Variants in ZNF592 observed in about 807,000 individuals in gnomAD.
ZNF592 encodes the protein zinc finger protein 592, also known as spinocerebellar ataxia, autosomal recessive 5.
A neutral mutation model predicts 80.3 loss-of-function variants in ZNF592; 11 were observed. That is an observed-to-expected ratio of 0.14 (90% CI 0.09 to 0.23). ZNF592 has a LOEUF of 0.23. ZNF592 is among the 10% of genes least tolerant of loss of function. ZNF592 has a pLI of 1.00. For missense variants in ZNF592, 1,420 were observed against 1,633.9 expected, an observed-to-expected ratio of 0.87 and a Z score of 2.26; for synonymous variants, 646 against 640.3, an observed-to-expected ratio of 1.01 and a Z score of -0.13.
At chr15:84,795,085 A>G (rs982463440) in intron 5 of ZNF592, among the ~76,000 whole-genome samples, 3 of 150,066 alleles carry the variant, frequency 2.0e-5, no homozygotes, top group Non-Finnish European at 4.4e-5. Context: ...TATAATATAT[A>G]AGTATATAAA....
rs758879703 is a variant in ZNF592, at chr15:84,799,153, G to T, written c.3080G>T (p.Ser1027Ile). 14 of 1,614,128 alleles carry T rather than the reference G, an allele frequency of 8.7e-6. No individual in the cohort carries two copies. The highest frequency in any genetic ancestry group is 1.2e-5 in the Non-Finnish European group (14 of 1,180,022). Residue 1027 changes from serine to isoleucine, a missense_variant, in exon 9 of 11, where the codon AGC becomes ATC. This residue lies in a region of ZNF592 where 331 missense variants were observed against 347.0 expected (regional missense o/e 0.95). Coordinates refer to ENST00000560079, the MANE Select transcript of ZNF592 (RefSeq NM_014630.3). This position sits in a 1 kb window ranked among gnomAD's most constrained non-coding sequence, Gnocchi z 4.2. ...GAACAGTCCTTCCACACCCCCAACA[G>T]CCTGCGCAAACACATCCGCAACAAC... is the stretch of plus-strand genomic sequence containing the variant. Reference protein sequence around the residue: ...QCEQSFHTPNSLRKHIRNNHD... With the variant: ...QCEQSFHTPNILRKHIRNNHD...
intron 2 of ZNF592, among the ~76,000 whole-genome samples, chr15:84,769,850 A>G (rs1052669588): frequency 6.6e-6 from 1 of 152,180 alleles, no homozygotes; most frequent in African/African-American, 2.4e-5. Context: ...TTCCTGGCTC[A>G]CTGCAGCCTC....
In ZNF592 at chr15:84,790,850, A is replaced by G; in HGVS notation, c.2366A>G (p.Asn789Ser). The change falls in exon 5 of 11, where the codon AAT becomes AGT. Residue 789 changes from asparagine (N) to serine (S), a missense_variant. Around this residue, in one of 7 missense-constraint regions of ZNF592, gnomAD observed 524 missense variants for 628.3 expected, o/e 0.83. Coordinates refer to ENST00000560079, the MANE Select transcript of ZNF592 (RefSeq NM_014630.3). ...TACTTCCAGACCCATGTAAAGGAGA[A>G]TTGCCTGCACTATGCCCGCAAGGTG... ...SAYFQTHVKENCLHYARKVGY... is the reference protein window; with the variant it reads ...SAYFQTHVKESCLHYARKVGY... 6.2e-7 allele frequency: 1 copy of G among 1,614,228 alleles called. No individual in the cohort carries two copies. The highest frequency in any genetic ancestry group is 8.5e-7 in the Non-Finnish European group (1 of 1,180,038).
Position 84,802,476 on chromosome 15 carries a change from T to C in ZNF592, c.*83T>C, listed in dbSNP as rs1963128588. ...CTGCGGACCGTGGAAAATAAAAGGC[T>C]CTGCCCCCAGTGTGAGTGTGACCGG... is the stretch of plus-strand genomic sequence containing the variant. On this transcript the variant is annotated 3_prime_UTR_variant, in exon 11 of 11. Coordinates refer to ENST00000560079, the MANE Select transcript of ZNF592 (RefSeq NM_014630.3). 2 of 1,517,384 alleles carry C rather than the reference T, an allele frequency of 1.3e-6. No individual in the cohort carries two copies. Among genetic ancestry groups the C allele is most frequent in the Admixed American group, 3.8e-5 (2 of 52,862 alleles). 94.0% of individuals were successfully genotyped at this position (1,517,384 alleles called of 1,614,324 possible).
rs148694498 is a variant in ZNF592, at chr15:84,799,955, C to T, written c.3251C>T (p.Pro1084Leu). The T allele has an allele frequency of 1.3e-5, 21 of 1,614,114 alleles. No individual in the cohort carries two copies. In the African/African-American group the frequency reaches 2.0e-4, roughly 15 times the overall value. The stretch of plus-strand genomic sequence containing the variant: ...TTGAGCCAGACGTCCAAAGTGAAAC[C>T]TCCGGGTGGACATTCCCCTCAGGTG... Reference protein sequence around the residue: ...PDLSQTSKVKPPGGHSPQVNH... With the variant: ...PDLSQTSKVKLPGGHSPQVNH... The change falls in exon 10 of 11, where the codon CCT becomes CTT. Residue 1084 changes from proline to leucine, a missense_variant. Coordinates refer to ENST00000560079, the MANE Select transcript of ZNF592 (RefSeq NM_014630.3). This position sits in a 1 kb window ranked among gnomAD's most constrained non-coding sequence, Gnocchi z 4.2.
chr15:84,761,144 T>G (rs1307560328), intron 1 of ZNF592, among the ~76,000 whole-genome samples: 1 of 152,026 alleles, frequency 6.6e-6, no homozygotes, highest in African/African-American at 2.4e-5. Context: ...TTTTGTATTT[T>G]TAGTAGAGAT....
chr15:84,778,311 A>C lies in ZNF592; in HGVS notation c.-21A>C. 1 of 264,808 alleles carries C rather than the reference A, an allele frequency of 3.8e-6. No individual in the cohort carries two copies. Among genetic ancestry groups the C allele is most frequent in the Admixed American group, 4.6e-5 (1 of 21,566 alleles). 16.4% of individuals were successfully genotyped at this position (264,808 alleles called of 1,614,324 possible). Reference sequence around the variant, plus strand: ...TCCCTACCTGCCACGGATACCAGTCAGGTACACATGCAGAGGCTGGAGGAG... The same window carrying C: ...TCCCTACCTGCCACGGATACCAGTCCGGTACACATGCAGAGGCTGGAGGAG... On this transcript the variant is annotated splice_region_variant and 5_prime_UTR_variant, in exon 3 of 11. Coordinates refer to ENST00000560079, the MANE Select transcript of ZNF592 (RefSeq NM_014630.3).
intron 10 of ZNF592, among the ~76,000 whole-genome samples, chr15:84,800,939 G>A (rs552305415): frequency 3.3e-5 from 5 of 152,302 alleles, no homozygotes; most frequent in South Asian, 2.1e-4. Flanking sequence ...GAAGAATGAA[G>A]CCTCTGTATG....
chr15:84,801,767 G>T, intron 10 of ZNF592, 96 bp from the exon 11 acceptor site: 1 of 1,589,564 alleles, frequency 6.3e-7, no homozygotes, highest in Non-Finnish European at 8.6e-7. Flanking sequence ...CCTGGCCTGG[G>T]TGGTGCTTTC....
chr15:84,779,753 C>T (rs898319548), intron 3 of ZNF592, among the ~76,000 whole-genome samples: 16 of 152,150 alleles, frequency 1.1e-4, no homozygotes, highest in African/African-American at 3.9e-4. Flanking sequence ...TTACTTCTGA[C>T]CATTCTCAGT....
At chr15:84,782,127 A>C (rs1962437590) in intron 3 of ZNF592, among the ~76,000 whole-genome samples, 1 of 152,240 alleles carries the variant, frequency 6.6e-6, no homozygotes, top group Admixed American at 6.5e-5. Flanking sequence ...GAGTTTATTC[A>C]TGAGACAACA....
At position 84,798,762 on chromosome 15, in the gene ZNF592, A is replaced by G. The variant is rs1963004993; in HGVS notation, c.2911A>G (p.Arg971Gly). Residue 971 changes from arginine (R) to glycine (G), a missense_variant, in exon 8 of 11, where the codon AGG (arginine) becomes GGG (glycine). Transcript: ENST00000560079. This position sits in a 1 kb window ranked among gnomAD's most constrained non-coding sequence, Gnocchi z 4.5. ...CTGGGGTAGGCCTGAAGCCCACCGC[A>G]GGGTGGAAGCCAGGCCGCGGCTGAG... ...GRWGRPEAHR[R>G]VEARPRLRNT... is the part of the protein sequence containing the mutation. 1.9e-6 allele frequency: 3 copies of G among 1,607,258 alleles called. No homozygotes were observed. Among genetic ancestry groups the G allele is most frequent in the Non-Finnish European group, 2.5e-6 (3 of 1,179,782 alleles).
chr15:84,759,044 C>G (rs1049365601), intron 1 of ZNF592, among the ~76,000 whole-genome samples: 1 of 152,154 alleles, frequency 6.6e-6, no homozygotes, highest in Non-Finnish European at 1.5e-5. Flanking sequence ...TCTCCCTATG[C>G]CCTTTGCCTT....
At position 84,786,896 on chromosome 15, in the gene ZNF592, G is replaced by A. The variant is rs188971094; in HGVS notation, c.2220+2001G>A. ...GACGGAGTCTTGCTTTGTTGCCCAG[G>A]ATGGAGTGCAGTGGTGCGATCTCGG... On this transcript the variant is annotated intron_variant, in intron 4 of 10. Coordinates refer to ENST00000560079, the MANE Select transcript of ZNF592 (RefSeq NM_014630.3). 6.4e-5 allele frequency among the ~76,000 whole-genome samples: 9 copies of A among 140,834 alleles called. No homozygotes were observed. The Admixed American group carries it at 6.7e-4, about 10-fold the overall frequency. The allele number at this position is 140,834 out of a possible 152,430, so 92.4% of individuals were successfully genotyped here.
At chr15:84,762,512 C>T (rs1410953770) in intron 1 of ZNF592, among the ~76,000 whole-genome samples, 2 of 152,174 alleles carry the variant, frequency 1.3e-5, no homozygotes, top group Non-Finnish European at 2.9e-5. Flanking sequence ...GGGGAAGGTA[C>T]GGATTTTGGG....
rs746553160 is a variant in ZNF592, at chr15:84,799,820, C to T, written c.3138-22C>T. The T allele has an allele frequency of 5.3e-5, 85 of 1,613,562 alleles. No individual in the cohort carries two copies. In the Admixed American group the frequency reaches 9.0e-4, roughly 17 times the overall value. ...GCCTGCGGCCCGGGCACTTACCTGACCTCTCCGCTGTGCTTCTGCAGGTAC... is the reference window on the plus strand; with the variant it reads ...GCCTGCGGCCCGGGCACTTACCTGATCTCTCCGCTGTGCTTCTGCAGGTAC... On this transcript the variant is annotated intron_variant, in intron 9 of 10. Coordinates refer to ENST00000560079, the MANE Select transcript of ZNF592 (RefSeq NM_014630.3). The surrounding 1 kb of genome is among the most constrained non-coding windows in gnomAD (Gnocchi z 4.2).
chr15:84,769,932 T>A (rs1168828967), intron 2 of ZNF592, among the ~76,000 whole-genome samples: 1 of 152,176 alleles, frequency 6.6e-6, no homozygotes, highest in Admixed American at 6.5e-5. Flanking sequence ...TGGGCCACTG[T>A]GCCCAGTGGC....
At position 84,799,815 on chromosome 15, in the gene ZNF592, C is replaced by T. The variant is rs772966897; in HGVS notation, c.3138-27C>T. The T allele has an allele frequency of 5.6e-6, 9 of 1,613,408 alleles. No individual in the cohort carries two copies. The highest frequency in any genetic ancestry group is 1.1e-5 in the South Asian group (1 of 91,080). Reference sequence around the variant, plus strand: ...AGGGAGCCTGCGGCCCGGGCACTTACCTGACCTCTCCGCTGTGCTTCTGCA... The same window carrying T: ...AGGGAGCCTGCGGCCCGGGCACTTATCTGACCTCTCCGCTGTGCTTCTGCA... On this transcript the variant is annotated intron_variant, in intron 9 of 10. Transcript: ENST00000560079. This position sits in a 1 kb window ranked among gnomAD's most constrained non-coding sequence, Gnocchi z 4.2.
rs780249540 is a variant in ZNF592 at position 84,802,213 on chromosome 15, G to A, written c.3624G>A (p.Glu1208=). Residue 1208 remains glutamate (E), a synonymous_variant, in exon 11 of 11, where the codon GAG becomes GAA. Transcript: ENST00000560079. ...VAEPEEGSGE[E]VPMETRENGL... ...AGCCAGAGGAGGGCTCCGGGGAGGA[G>A]GTGCCCATGGAGACTAGAGAGAATG... 90 of 1,599,634 alleles carry A rather than the reference G, an allele frequency of 5.6e-5. No homozygotes were observed. Among genetic ancestry groups the A allele is most frequent in the Non-Finnish European group, 6.8e-5 (80 of 1,169,770 alleles).
Sources: allele counts gnomAD v4.1 joint callset (sites outside exome capture counted in the v4.1 genomes callset), GRCh38; gene constraint gnomAD v4.1.1; regional missense constraint gnomAD v4.1.1; non-coding constraint Gnocchi (gnomAD v3.1); transcripts MANE v1.5; gene names NCBI Gene and HGNC (gene_info 2026-07-23, HGNC 2026-07-21).